The following GPD2 variants were observed in gnomAD, a reference collection of about 807,000 sequenced individuals.
GPD2 encodes the protein glycerol-3-phosphate dehydrogenase 2, also known as glycerol-3-phosphate dehydrogenase, mitochondrial.
A neutral mutation model predicts 82.4 loss-of-function variants in GPD2; 54 were observed. That is an observed-to-expected ratio of 0.66 (90% CI 0.53 to 0.82). The LOEUF (loss-of-function observed/expected upper bound fraction) is 0.82, where lower values mean the gene tolerates loss of function less well. GPD2 is among the 40% of genes least tolerant of loss of function. GPD2 has a pLI of 0.00. For missense variants in GPD2, 748 were observed against 896.2 expected (o/e 0.83, Z 2.11); for synonymous variants, 288 against 306.1 (o/e 0.94, Z 0.62).
intron 6 of GPD2, among the ~76,000 whole-genome samples, chr2:156,540,372 A>T (rs1686259057): frequency 6.6e-6 from 1 of 152,212 alleles, no homozygotes. Context: ...AAGCCAGGTT[A>T]AAGTTCTGTA....
intron 1 of GPD2, among the ~76,000 whole-genome samples, chr2:156,468,578 A>G (rs1184747448): frequency 6.6e-6 from 1 of 152,176 alleles, no homozygotes; most frequent in Admixed American, 6.5e-5. Flanking sequence ...TTAAAGGGCT[A>G]CCTCTAGGTT....
At chr2:156,528,026 G>A (rs943734268) in intron 6 of GPD2, among the ~76,000 whole-genome samples, 2 of 151,924 alleles carry the variant, frequency 1.3e-5, no homozygotes, top group Non-Finnish European at 2.9e-5. Flanking sequence ...GAAAAAGAAG[G>A]TAAAAATACA....
the GPD2 span, among the ~76,000 whole-genome samples, chr2:156,427,327 C>A: frequency 1.7e-3 from 253 of 152,330 alleles, no homozygotes; most frequent in African/African-American, 5.2e-3. Context: ...AAATTCTGCT[C>A]TTATCTCTAA....
rs1688147766 is a variant in GPD2, at chr2:156,584,544, G to A, written c.*1626G>A. The A allele has an allele frequency of 6.6e-6, 1 of 152,420 alleles. No homozygotes were observed. The highest frequency in any genetic ancestry group is 1.5e-5 in the Non-Finnish European group (1 of 67,950). The allele number at this position is 152,420 out of a possible 1,614,324, so 9.4% of individuals were successfully genotyped here. A position where few individuals can be genotyped will look rare whatever the true frequency, so the allele number is the denominator to read the frequency against. ...ACCACCTCTGAAAGAAACAGAAACTGCAGAGAAAGACAGCATCTTAGCTCA... is the reference window on the plus strand; with the variant it reads ...ACCACCTCTGAAAGAAACAGAAACTACAGAGAAAGACAGCATCTTAGCTCA... On this transcript the variant is annotated 3_prime_UTR_variant, in exon 17 of 17. Transcript: ENST00000438166.
At chr2:156,552,115 A>G (rs1469730301) in intron 8 of GPD2, among the ~76,000 whole-genome samples, 1 of 152,200 alleles carries the variant, frequency 6.6e-6, no homozygotes, top group African/African-American at 2.4e-5. Flanking sequence ...TACCAGATAC[A>G]CTTCTGAGAA....
intron 16 of GPD2, among the ~76,000 whole-genome samples, chr2:156,581,406 T>TA (rs1688019665): frequency 6.6e-6 from 1 of 152,132 alleles, no homozygotes; most frequent in Admixed American, 6.6e-5. Context: ...GTCTATGGCT[T>TA]AAAAAACCTC....
chr2:156,556,321 T>C (rs1156989243), intron 8 of GPD2, among the ~76,000 whole-genome samples: 1 of 152,216 alleles, frequency 6.6e-6, no homozygotes, highest in Non-Finnish European at 1.5e-5. Context: ...ACTGGCTTGA[T>C]ACAAGAATCC....
At chr2:156,569,145 G>A (rs1421060300) in intron 10 of GPD2, among the ~76,000 whole-genome samples, 186 bp downstream of exon 10, 2 of 151,692 alleles carry the variant, frequency 1.3e-5, no homozygotes, top group Non-Finnish European at 2.9e-5. Flanking sequence ...CTTGTAATTT[G>A]GATGTGCTTT....
At chr2:156,556,148 T>C (rs1024795012) in intron 8 of GPD2, among the ~76,000 whole-genome samples, 2 of 152,166 alleles carry the variant, frequency 1.3e-5, no homozygotes, top group African/African-American at 4.8e-5. Flanking sequence ...TAAAACATGT[T>C]AAGGGAATGA....
the GPD2 span, among the ~76,000 whole-genome samples, chr2:156,420,379 G>A: frequency 6.6e-6 from 1 of 152,016 alleles, no homozygotes; most frequent in Non-Finnish European, 1.5e-5. Context: ...CACTCTGTTA[G>A]CCAGGATGGT....
chr2:156,566,956 C>G (rs555004886), intron 9 of GPD2, among the ~76,000 whole-genome samples: 3 of 151,934 alleles, frequency 2.0e-5, no homozygotes, highest in Non-Finnish European at 2.9e-5. Context: ...TTGCATTTCC[C>G]GAATCATTAG....
chr2:156,528,225 G>A (rs547619045), intron 6 of GPD2, among the ~76,000 whole-genome samples: 9 of 151,788 alleles, frequency 5.9e-5, no homozygotes, highest in Non-Finnish European at 8.8e-5. Flanking sequence ...GTATAAAACC[G>A]GATTGAAACA....
chr2:156,507,739 A>G (rs1183356329), intron 3 of GPD2, among the ~76,000 whole-genome samples: 1 of 152,182 alleles, frequency 6.6e-6, no homozygotes, highest in Non-Finnish European at 1.5e-5. Flanking sequence ...CTTGTGAGAA[A>G]CAGTGGTTAA....
rs1237934458 is a variant in GPD2, at chr2:156,569,551, T to G, written c.1476+13T>G. 6 of 1,594,066 alleles carry G rather than the reference T, an allele frequency of 3.8e-6. No homozygotes were observed. Among genetic ancestry groups the G allele is most frequent in the Non-Finnish European group, 5.2e-6 (6 of 1,161,834 alleles). On this transcript the variant is annotated intron_variant, in intron 11 of 16. Transcript: ENST00000438166. Reference sequence around the variant, plus strand: ...ACTTGAAAGCGAGGTGAGTGTGCATTGCCACATCATCTTACTCTTTACCTA... The same window carrying G: ...ACTTGAAAGCGAGGTGAGTGTGCATGGCCACATCATCTTACTCTTTACCTA...
At chr2:156,447,264 A>G (rs1277621987) in intron 1 of GPD2, among the ~76,000 whole-genome samples, 1 of 150,946 alleles carries the variant, frequency 6.6e-6, no homozygotes, top group Non-Finnish European at 1.5e-5. Flanking sequence ...TTTGTGCATT[A>G]TTTTTCTACT....
At chr2:156,568,990 C>CTTTTTTTT (rs36082652) in intron 10 of GPD2, 31 bp downstream of exon 10, 63 of 1,254,140 alleles carry the variant, frequency 5.0e-5, no homozygotes, top group South Asian at 1.2e-4. Flanking sequence ...ATTTTCTTTT[C>CTTTTTTTT]TTTTTTTTTT....
intron 6 of GPD2, among the ~76,000 whole-genome samples, chr2:156,516,234 AC>A (rs1685191900): frequency 6.6e-6 from 1 of 152,352 alleles, no homozygotes; most frequent in Admixed American, 6.5e-5. Context: ...AACAATAGTC[AC>A]TGAAGTGATT....
At chr2:156,406,849 A>T in the GPD2 span, among the ~76,000 whole-genome samples, 1 of 152,156 alleles carries the variant, frequency 6.6e-6, no homozygotes, top group African/African-American at 2.4e-5. Context: ...CTTTTAAAAT[A>T]TATGTTTTTT....
chr2:156,457,466 G>A (rs1682826119), intron 1 of GPD2, among the ~76,000 whole-genome samples: 1 of 152,242 alleles, frequency 6.6e-6, no homozygotes, highest in African/African-American at 2.4e-5. Flanking sequence ...CCCAGAAATA[G>A]ATCTGCATTA....
Sources: gnomAD v4.1 joint callset for allele counts (sites outside exome capture counted in the v4.1 genomes callset) on GRCh38, gnomAD v4.1.1 for gene constraint, MANE v1.5 for transcripts, NCBI Gene and HGNC (gene_info 2026-07-23, HGNC 2026-07-21) for gene names.